ATXN10: variants seen among roughly 807,000 people sequenced by gnomAD.
ATXN10 encodes the protein ataxin-10.
A neutral mutation model predicts 52.9 loss-of-function variants in ATXN10; 28 were observed. The observed-to-expected ratio is 0.53, with a 90% CI of 0.39 to 0.73. ATXN10 has a LOEUF of 0.73. Among genes scored for constraint, ATXN10 ranks in the 30% least tolerant of loss-of-function variants. The pLI, the probability that ATXN10 is intolerant of heterozygous loss-of-function variation, is 0.00. For synonymous variants in ATXN10, 226 were observed against 221.5 expected (o/e 1.02, Z -0.18); for missense variants, 565 against 577.0 (o/e 0.98, Z 0.21).
rs1164659537 is a variant in ATXN10, at chr22:45,701,671, A to G, written c.489-1018A>G. Among the ~76,000 whole-genome samples, 1 of 152,348 alleles carries G rather than the reference A, an allele frequency of 6.6e-6. No homozygotes were observed. The highest frequency in any genetic ancestry group is 1.9e-4 in the East Asian group (1 of 5,190). The stretch of plus-strand genomic sequence containing the variant: ...CCTAATATCTGCCAGGTTTTGGGAT[A>G]GATGATTAGAATGTGGTGGTAACTT... On this transcript the variant is annotated intron_variant, in intron 4 of 11. Coordinates refer to ENST00000252934, the MANE Select transcript of ATXN10 (RefSeq NM_013236.4). The surrounding 1 kb of genome is among the most constrained non-coding windows in gnomAD (Gnocchi z 4.2).
chr22:45,805,502 C>T lies in ATXN10; in HGVS notation c.1174-1457C>T, dbSNP rs2146883074. Among the ~76,000 whole-genome samples the T allele has an allele frequency of 6.6e-6, 1 of 152,322 alleles. No individual in the cohort carries two copies. Among genetic ancestry groups the T allele is most frequent in the East Asian group, 1.9e-4 (1 of 5,180 alleles). ...TGCAATGTGGCATATCCGTACAATG[C>T]ACTGTTCACGTTACTCAGCCGTGAA... On this transcript the variant is annotated intron_variant, in intron 9 of 11. Transcript: ENST00000252934. This position sits in a 1 kb window ranked among gnomAD's most constrained non-coding sequence, Gnocchi z 4.4.
At chr22:45,693,188 A>T in intron 3 of ATXN10, 110 bp downstream of exon 3, 1 of 898,176 alleles carries the variant, frequency 1.1e-6, no homozygotes, top group Non-Finnish European at 1.8e-6. Flanking sequence ...ATTTCATGAG[A>T]TAGGGAAACT....
intron 1 of ATXN10, among the ~76,000 whole-genome samples, chr22:45,687,931 C>T (rs745672236): frequency 6.6e-5 from 10 of 152,066 alleles, no homozygotes; most frequent in Non-Finnish European, 1.5e-4. Flanking sequence ...GTGGCGTGTG[C>T]CTGTAGTCCC....
At position 45,795,998 on chromosome 22, in the gene ATXN10, A is replaced by G. The variant is rs1454938585; in HGVS notation, c.1174-10961A>G. Among the ~76,000 whole-genome samples the G allele has an allele frequency of 6.6e-6, 1 of 152,224 alleles. No individual in the cohort carries two copies. Among genetic ancestry groups the G allele is most frequent in the African/African-American group, 2.4e-5 (1 of 41,462 alleles). ...AACAGCGATTTTCAAGGAACAAGGG[A>G]GATAACCATAAGGCCTGACTGCCTG... On this transcript the variant is annotated intron_variant, in intron 9 of 11. Coordinates refer to ENST00000252934, the MANE Select transcript of ATXN10 (RefSeq NM_013236.4). The surrounding 1 kb of genome is among the most constrained non-coding windows in gnomAD (Gnocchi z 4.6).
intron 9 of ATXN10, among the ~76,000 whole-genome samples, chr22:45,756,841 GT>G (rs1370021452): frequency 1.3e-5 from 2 of 152,176 alleles, no homozygotes; most frequent in African/African-American, 2.4e-5. Flanking sequence ...TATTTGACAT[GT>G]TTTAGTGATA....
intron 9 of ATXN10, among the ~76,000 whole-genome samples, chr22:45,741,330 A>G (rs1925525683): frequency 6.6e-6 from 1 of 152,162 alleles, no homozygotes; most frequent in African/African-American, 2.4e-5. Context: ...GCTGTGAGCA[A>G]TCAAATATGT....
Position 45,772,045 on chromosome 22 carries a change from C to A in ATXN10, c.1173+31507C>A. ...GTAGCCCACATTTTCATTCTCTTAG[C>A]AGTGTGTTTGGCAGAGCAAGAGTTA... On this transcript the variant is annotated intron_variant, in intron 9 of 11. Transcript: ENST00000252934. The surrounding 1 kb of genome is among the most constrained non-coding windows in gnomAD (Gnocchi z 4.1). Among the ~76,000 whole-genome samples the A allele has an allele frequency of 6.6e-6, 1 of 152,206 alleles. No individual in the cohort carries two copies. The highest frequency in any genetic ancestry group is 1.5e-5 in the Non-Finnish European group (1 of 68,038).
chr22:45,805,600 TGTC>T lies in ATXN10; in HGVS notation c.1174-1356_1174-1354del, dbSNP rs1430345108. Reference sequence around the variant, plus strand: ...AAGAAGCCAGGTTCAAAAGGCTACATGTCGTTCAGATTTTCTGACTCCGTTATA... The same window carrying T: ...AAGAAGCCAGGTTCAAAAGGCTACATGTTCAGATTTTCTGACTCCGTTATA... On this transcript the variant is annotated intron_variant, in intron 9 of 11. Transcript: ENST00000252934. The surrounding 1 kb of genome is among the most constrained non-coding windows in gnomAD (Gnocchi z 4.4). Among the ~76,000 whole-genome samples the T allele has an allele frequency of 6.6e-6, 1 of 152,160 alleles. No homozygotes were observed. Among genetic ancestry groups the T allele is most frequent in the East Asian group, 1.9e-4 (1 of 5,196 alleles).
rs1320946327 is a variant in ATXN10 at position 45,744,550 on chromosome 22, G to C, written c.1173+4012G>C. On this transcript the variant is annotated intron_variant, in intron 9 of 11. Coordinates refer to ENST00000252934, the MANE Select transcript of ATXN10 (RefSeq NM_013236.4). The surrounding 1 kb of genome is among the most constrained non-coding windows in gnomAD (Gnocchi z 4.9). The stretch of plus-strand genomic sequence containing the variant: ...TGATTTAACTCAGCTAGCACTTGCT[G>C]AGTGAGAATTGCCGTGTGCTGCATG... The C allele has an allele frequency of 6.6e-6, 1 of 152,236 alleles. No individual in the cohort carries two copies. Among genetic ancestry groups the C allele is most frequent in the Non-Finnish European group, 1.5e-5 (1 of 68,054 alleles). 9.4% of individuals were successfully genotyped at this position (152,236 alleles called of 1,614,324 possible). A position where few individuals can be genotyped will look rare whatever the true frequency, so the allele number is the denominator to read the frequency against.
At position 45,672,114 on chromosome 22, in the gene ATXN10, G is replaced by T; in HGVS notation, c.51G>T (p.Pro17=). 1 of 1,540,162 alleles carries T rather than the reference G, an allele frequency of 6.5e-7. No homozygotes were observed. The highest frequency in any genetic ancestry group is 1.2e-5 in the South Asian group (1 of 83,902). Reference sequence around the variant, plus strand: ...CCAGGCTGTCGGGCGTCATGGTGCCGGCGCCCATCCAAGACCTGGAGGCCC... The same window carrying T: ...CCAGGCTGTCGGGCGTCATGGTGCCTGCGCCCATCCAAGACCTGGAGGCCC... The part of the protein sequence containing the change: ...PPARLSGVMV[P]APIQDLEALR... Residue 17 remains proline (P), a synonymous_variant, in exon 1 of 12, where the codon CCG becomes CCT. Coordinates refer to ENST00000252934, the MANE Select transcript of ATXN10 (RefSeq NM_013236.4).
intron 5 of ATXN10, among the ~76,000 whole-genome samples, chr22:45,709,108 A>G (rs1355910720): frequency 6.6e-6 from 1 of 152,214 alleles, no homozygotes; most frequent in African/African-American, 2.4e-5. Context: ...TATCAGCTTA[A>G]GTGTAACAAT....
At chr22:45,821,370 A>G (rs1928643704) in intron 10 of ATXN10, among the ~76,000 whole-genome samples, 1 of 150,554 alleles carries the variant, frequency 6.6e-6, no homozygotes, top group Non-Finnish European at 1.5e-5. Flanking sequence ...AAAAAAAACG[A>G]ACCTAGCACA....
Position 45,732,316 on chromosome 22 carries a change from G to A in ATXN10, c.894+2726G>A, listed in dbSNP as rs573319476. On this transcript the variant is annotated intron_variant, in intron 7 of 11. Coordinates refer to ENST00000252934, the MANE Select transcript of ATXN10 (RefSeq NM_013236.4). The surrounding 1 kb of genome is among the most constrained non-coding windows in gnomAD (Gnocchi z 4.5). ...AAAAAAAAAACACAAAGAATTAGCT[G>A]GGTGTGGTGGTGTGTGCCTGTGTTC... Among the ~76,000 whole-genome samples, 4 of 152,064 alleles carry A rather than the reference G, an allele frequency of 2.6e-5. No individual in the cohort carries two copies. In the South Asian group the frequency reaches 6.2e-4, roughly 24 times the overall value.
At chr22:45,798,964 G>T (rs928149166) in intron 9 of ATXN10, among the ~76,000 whole-genome samples, 3 of 152,272 alleles carry the variant, frequency 2.0e-5, no homozygotes, top group African/African-American at 7.2e-5. Context: ...AAACATTGCT[G>T]AGAGAAGTTA....
At chr22:45,794,009 G>A (rs1006238659) in intron 9 of ATXN10, among the ~76,000 whole-genome samples, 38 of 152,300 alleles carry the variant, frequency 2.5e-4, no homozygotes, top group African/African-American at 8.2e-4. Context: ...AACTATATGC[G>A]AATTAAGGGG....
In ATXN10 at chr22:45,824,188, A is replaced by G. The variant is rs1928745061; in HGVS notation, c.1237+17166A>G. On this transcript the variant is annotated intron_variant, in intron 10 of 11. Transcript: ENST00000252934. The surrounding 1 kb of genome is among the most constrained non-coding windows in gnomAD (Gnocchi z 5.2). ...GGCACTCTGGCCACCCTCTTCTAATATCCCACACTGCCCCTGCAGCTCACA... is the reference window on the plus strand; with the variant it reads ...GGCACTCTGGCCACCCTCTTCTAATGTCCCACACTGCCCCTGCAGCTCACA... 6.6e-6 allele frequency among the ~76,000 whole-genome samples: 1 copy of G among 151,734 alleles called. No individual in the cohort carries two copies. Among genetic ancestry groups the G allele is most frequent in the African/African-American group, 2.4e-5 (1 of 41,292 alleles).
Position 45,744,372 on chromosome 22 carries a change from C to G in ATXN10, c.1173+3834C>G, listed in dbSNP as rs2146807502. The G allele has an allele frequency of 6.6e-6, 1 of 152,390 alleles. No homozygotes were observed. Among genetic ancestry groups the G allele is most frequent in the East Asian group, 1.9e-4 (1 of 5,184 alleles). The allele number at this position is 152,390 out of a possible 1,614,324, so 9.4% of individuals were successfully genotyped here. A position where few individuals can be genotyped will look rare whatever the true frequency, so the allele number is the denominator to read the frequency against. On this transcript the variant is annotated intron_variant, in intron 9 of 11. Coordinates refer to ENST00000252934, the MANE Select transcript of ATXN10 (RefSeq NM_013236.4). This position sits in a 1 kb window ranked among gnomAD's most constrained non-coding sequence, Gnocchi z 4.9. ...AGTATGGTGCCCACCTGCTGGATGG[C>G]CCTCTTACACTTGTGTGGCACTTTC...
chr22:45,671,917 T>TGCA lies in ATXN10; in HGVS notation c.-144_-142dup, dbSNP rs1418425996. On this transcript the variant is annotated 5_prime_UTR_variant, in exon 1 of 12. Transcript: ENST00000252934. The stretch of plus-strand genomic sequence containing the variant: ...GGCGCAGCTTCAGGGCAGCGCGGGC[T>TGCA]GCAGCGGCGGCGGCGGTTAGGGCTG... The TGCA allele has an allele frequency of 1.2e-6, 1 of 858,894 alleles. No individual in the cohort carries two copies. Among genetic ancestry groups the TGCA allele is most frequent in the Non-Finnish European group, 1.7e-6 (1 of 578,358 alleles). The allele number at this position is 858,894 out of a possible 1,614,324, so 53.2% of individuals were successfully genotyped here.
In ATXN10 at chr22:45,688,254, TG is replaced by T. The variant is rs1923226316; in HGVS notation, c.117-1453del. Reference sequence around the variant, plus strand: ...TTCATTATTTACACTCAGGGCTGACTGGGGGAGACATAGACAAATTATTTTA... The same window carrying T: ...TTCATTATTTACACTCAGGGCTGACTGGGGAGACATAGACAAATTATTTTA... On this transcript the variant is annotated intron_variant, in intron 1 of 11. Transcript: ENST00000252934. The surrounding 1 kb of genome is among the most constrained non-coding windows in gnomAD (Gnocchi z 4.0). 6.6e-6 allele frequency among the ~76,000 whole-genome samples: 1 copy of T among 152,192 alleles called. No homozygotes were observed. Among genetic ancestry groups the T allele is most frequent in the Non-Finnish European group, 1.5e-5 (1 of 68,032 alleles).
Sources: gnomAD v4.1 joint callset for allele counts (sites outside exome capture counted in the v4.1 genomes callset) on GRCh38, gnomAD v4.1.1 for gene constraint, Gnocchi (gnomAD v3.1) non-coding constraint, MANE v1.5 for transcripts, NCBI Gene and HGNC (gene_info 2026-07-23, HGNC 2026-07-21) for gene names.